Variants in ADAM10 observed in about 807,000 individuals in gnomAD.
ADAM10 encodes ADAM metallopeptidase domain 10, also known as disintegrin and metalloproteinase domain-containing protein 10.
ADAM10 carries 17 observed loss-of-function variants against 90.1 expected under a neutral mutation model. That is an observed-to-expected ratio of 0.19 (90% CI 0.13 to 0.28). The LOEUF (loss-of-function observed/expected upper bound fraction) is 0.28, where lower values mean the gene tolerates loss of function less well. Among genes scored for constraint, ADAM10 ranks in the 10% least tolerant of loss-of-function variants. The probability of loss-of-function intolerance (pLI) is 1.00; values close to 1 mark genes in which losing one functional copy is unlikely to be tolerated. For missense variants in ADAM10, 610 were observed against 914.3 expected (o/e 0.67, Z 4.29); for synonymous variants, 310 against 298.6 (o/e 1.04, Z -0.40).
At chr15:58,730,994 G>A (rs1899217274) in intron 1 of ADAM10, among the ~76,000 whole-genome samples, 1 of 152,166 alleles carries the variant, frequency 6.6e-6, no homozygotes, top group Non-Finnish European at 1.5e-5. Flanking sequence ...CTTGCAGACT[G>A]CCTATCATGG....
At chr15:58,653,475 C>T (rs1043682993) in intron 5 of ADAM10, among the ~76,000 whole-genome samples, 2 of 152,090 alleles carry the variant, frequency 1.3e-5, no homozygotes, top group Non-Finnish European at 2.9e-5. Flanking sequence ...TTGAAATTAT[C>T]GTATAAGTTT....
chr15:58,611,923 T>A lies in ADAM10; in HGVS notation c.1580A>T (p.Asp527Val). The change falls in exon 12 of 16, where the codon GAT becomes GTT. Residue 527 changes from aspartate to valine, a missense_variant. By Grantham distance (152) the Asp-to-Val change is radical. Transcript: ENST00000260408. ...TATTCCTTCCCTTGCACAGTCTGAA[T>A]CATCCCGACACTTCTCAGACTTTGA... The part of the protein sequence containing the change: ...FKSKSEKCRD[D>V]SDCAREGICN... 1.9e-6 allele frequency: 3 copies of A among 1,614,180 alleles called. No homozygotes were observed. The highest frequency in any genetic ancestry group is 2.5e-6 in the Non-Finnish European group (3 of 1,180,016).
chr15:58,715,196 C>T (rs1214949734), intron 2 of ADAM10, among the ~76,000 whole-genome samples: 2 of 151,830 alleles, frequency 1.3e-5, no homozygotes, highest in South Asian at 2.1e-4. Context: ...CCGAGGTGAG[C>T]GGATCACTTG....
chr15:58,611,900 T>C lies in ADAM10; in HGVS notation c.1603A>G (p.Ile535Val), dbSNP rs1157570681. The change falls in exon 12 of 16, where the codon ATA (isoleucine) becomes GTA (valine). Residue 535 changes from isoleucine (I) to valine (V), a missense_variant. By Grantham distance (29) the Ile-to-Val change is conservative (BLOSUM62 3). Coordinates refer to ENST00000260408, the MANE Select transcript of ADAM10 (RefSeq NM_001110.4). Reference protein sequence around the residue: ...RDDSDCAREGICNGFTALCPA... With the variant: ...RDDSDCAREGVCNGFTALCPA... ...CAGAGAGCTGTGAAGCCATTACATATTCCTTCCCTTGCACAGTCTGAATCA... is the reference window on the plus strand; with the variant it reads ...CAGAGAGCTGTGAAGCCATTACATACTCCTTCCCTTGCACAGTCTGAATCA... 2 of 1,614,184 alleles carry C rather than the reference T, an allele frequency of 1.2e-6. No homozygotes were observed. Among genetic ancestry groups the C allele is most frequent in the East Asian group, 2.2e-5 (1 of 44,874 alleles).
chr15:58,653,645 T>C (rs187454413), intron 5 of ADAM10, among the ~76,000 whole-genome samples: 6 of 152,324 alleles, frequency 3.9e-5, no homozygotes, highest in Non-Finnish European at 8.8e-5. Context: ...TTTCTACCAA[T>C]ATGCATGAGA....
chr15:58,679,366 A>G (rs958970176), intron 3 of ADAM10, 84 bp from the exon 4 acceptor site: 8 of 1,187,538 alleles, frequency 6.7e-6, no homozygotes, highest in Non-Finnish European at 9.9e-6. Flanking sequence ...ATATGTGTGT[A>G]TATATATACA....
chr15:58,676,957 ATATT>A (rs1356500671), intron 4 of ADAM10, among the ~76,000 whole-genome samples: 1 of 152,256 alleles, frequency 6.6e-6, no homozygotes, highest in African/African-American at 2.4e-5. Context: ...AAAGCCAAAA[ATATT>A]TACTCTCTGT....
chr15:58,601,936 C>A (rs191066052), intron 14 of ADAM10, among the ~76,000 whole-genome samples: 3 of 152,320 alleles, frequency 2.0e-5, no homozygotes, highest in Admixed American at 6.5e-5. Context: ...TGCATCCTAT[C>A]AAGTAACACG....
chr15:58,627,867 T>A lies in ADAM10; in HGVS notation c.1193A>T (p.Glu398Val). ...NFGSPHDSGT[E>V]CTPGESKNLG... ...ATTCTTAGATTCTCCTGGTGTGCAC[T>A]CTGTTCCAGAATCATGCTGTCAAAA... is the stretch of plus-strand genomic sequence containing the variant. The change falls in exon 10 of 16, where the codon GAG (glutamate) becomes GTG (valine). Residue 398 changes from glutamate (E) to valine (V), a missense_variant. This residue lies in a region of ADAM10 where 97 missense variants were observed against 221.4 expected (regional missense o/e 0.44). Transcript: ENST00000260408. 6.2e-7 allele frequency: 1 copy of A among 1,613,532 alleles called. No individual in the cohort carries two copies. The highest frequency in any genetic ancestry group is 2.2e-5 in the East Asian group (1 of 44,804).
intron 14 of ADAM10, among the ~76,000 whole-genome samples, chr15:58,608,504 C>T (rs1222125918): frequency 6.6e-6 from 1 of 152,166 alleles, no homozygotes; most frequent in Non-Finnish European, 1.5e-5. Flanking sequence ...CCTAGCGGTA[C>T]TCTTCACACA....
At chr15:58,649,371 C>T (rs1406996790) in intron 5 of ADAM10, among the ~76,000 whole-genome samples, 1 of 152,152 alleles carries the variant, frequency 6.6e-6, no homozygotes, top group African/African-American at 2.4e-5. Context: ...TACCACCCTA[C>T]AAGTCTTTAC....
intron 2 of ADAM10, among the ~76,000 whole-genome samples, chr15:58,712,186 A>G (rs1311201158): frequency 6.6e-6 from 1 of 152,192 alleles, no homozygotes; most frequent in Non-Finnish European, 1.5e-5. Context: ...AACATAAACA[A>G]TATTAACCTG....
intron 5 of ADAM10, among the ~76,000 whole-genome samples, chr15:58,661,564 C>T (rs906332342): frequency 7.2e-5 from 11 of 152,034 alleles, no homozygotes; most frequent in Middle Eastern, 3.4e-3. Flanking sequence ...TCTCTGCCTG[C>T]TTTTATGGTT....
At chr15:58,629,591 A>T (rs1896043906) in intron 9 of ADAM10, 1 of 152,232 alleles carries the variant, frequency 6.6e-6, no homozygotes, top group Non-Finnish European at 1.5e-5. Context: ...CTTTGTGACA[A>T]GAAAACAGAA....
intron 14 of ADAM10, among the ~76,000 whole-genome samples, chr15:58,603,965 A>G (rs1490793581): frequency 8.5e-5 from 13 of 152,156 alleles, no homozygotes; most frequent in African/African-American, 3.1e-4. Flanking sequence ...TCAAAAGAAA[A>G]AAAGTAGAAA....
rs1346243380 is a variant in ADAM10 at position 58,749,676 on chromosome 15, C to T, written c.-142G>A. Reference sequence around the variant, plus strand: ...CCTGGCAGGAGAAACGGCGAAGCACCTCCCTCTCGCTCCACTTCAGGGGCC... The same window carrying T: ...CCTGGCAGGAGAAACGGCGAAGCACTTCCCTCTCGCTCCACTTCAGGGGCC... On this transcript the variant is annotated 5_prime_UTR_variant, in exon 1 of 16. Transcript: ENST00000260408. 2 of 1,453,652 alleles carry T rather than the reference C, an allele frequency of 1.4e-6. No individual in the cohort carries two copies. Among genetic ancestry groups the T allele is most frequent in the African/African-American group, 2.9e-5 (2 of 69,364 alleles). 90.0% of individuals were successfully genotyped at this position (1,453,652 alleles called of 1,614,324 possible). A position where few individuals can be genotyped will look rare whatever the true frequency, so the allele number is the denominator to read the frequency against.
At chr15:58,631,107 A>T (rs1161045813) in intron 9 of ADAM10, among the ~76,000 whole-genome samples, 1 of 152,056 alleles carries the variant, frequency 6.6e-6, no homozygotes, top group East Asian at 1.9e-4. Flanking sequence ...ACATGCCAGC[A>T]CCTGTTGCCC....
intron 1 of ADAM10, among the ~76,000 whole-genome samples, chr15:58,726,566 CCAAAAAAAAAA>C (rs1451429262): frequency 8.2e-4 from 8 of 9,806 alleles, no homozygotes; most frequent in East Asian, 3.7e-3. Flanking sequence ...CCTCAGTCTC[CCAAAAAAAAAA>C]AAAAAAAAAA....
intron 11 of ADAM10, among the ~76,000 whole-genome samples, chr15:58,616,512 A>G (rs1414993091): frequency 6.6e-6 from 1 of 152,210 alleles, no homozygotes; most frequent in East Asian, 1.9e-4. Context: ...TAAAAATTAA[A>G]CAACTTGCTT....
Sources: gnomAD v4.1 joint callset for allele counts (sites outside exome capture counted in the v4.1 genomes callset) on GRCh38, gnomAD v4.1.1 for gene constraint, gnomAD v4.1.1 regional missense constraint, MANE v1.5 for transcripts, NCBI Gene and HGNC (gene_info 2026-07-23, HGNC 2026-07-21) for gene names.